Variants in ARHGAP24 observed in about 807,000 individuals in gnomAD.
ARHGAP24 encodes rho GTPase-activating protein 24.
Under a neutral mutation model 76.4 loss-of-function variants are expected in ARHGAP24, and 50 were observed. That is an observed-to-expected ratio of 0.65 (90% CI 0.52 to 0.83). ARHGAP24 has a LOEUF of 0.83. ARHGAP24 is among the 40% of genes least tolerant of loss of function. The probability of loss-of-function intolerance (pLI) is 0.00; values close to 1 mark genes in which losing one functional copy is unlikely to be tolerated. For synonymous variants in ARHGAP24, 345 were observed against 323.3 expected, an observed-to-expected ratio of 1.07 and a Z score of -0.72; for missense variants, 930 against 914.2, an observed-to-expected ratio of 1.02 and a Z score of -0.22.
At chr4:85,851,128 C>T (rs187882885) in intron 3 of ARHGAP24, among the ~76,000 whole-genome samples, 31 of 152,160 alleles carry the variant, frequency 2.0e-4, no homozygotes, top group Admixed American at 2.6e-4. Flanking sequence ...TGAATCTGGG[C>T]GCTCCTGTAT....
intron 5 of ARHGAP24, among the ~76,000 whole-genome samples, chr4:85,950,661 T>C (rs911747058): frequency 2.1e-5 from 3 of 139,836 alleles, no homozygotes; most frequent in African/African-American, 8.1e-5. Flanking sequence ...TTATTTTTTC[T>C]TTTTCTTCTT....
Position 85,923,787 on chromosome 4 carries a change from A to C in ARHGAP24, c.391+17A>C, listed in dbSNP as rs1221334446. Reference sequence around the variant, plus strand: ...TCGGAGGAGGTGAGTGTACTTTAAAATCATGGAAAAACAGAAAGGTAGACC... The same window carrying C: ...TCGGAGGAGGTGAGTGTACTTTAAACTCATGGAAAAACAGAAAGGTAGACC... On this transcript the variant is annotated intron_variant, in intron 4 of 9. Transcript: ENST00000395184. 3.1e-6 allele frequency: 5 copies of C among 1,613,860 alleles called. No homozygotes were observed. Among genetic ancestry groups the C allele is most frequent in the Non-Finnish European group, 4.2e-6 (5 of 1,179,836 alleles).
At chr4:85,536,113 A>G (rs2110119705) in intron 1 of ARHGAP24, among the ~76,000 whole-genome samples, 1 of 152,218 alleles carries the variant, frequency 6.6e-6, no homozygotes, top group East Asian at 1.9e-4. Flanking sequence ...CAGTTGAGTG[A>G]TATAATCAGA....
chr4:85,921,510 G>A (rs1735718663), intron 3 of ARHGAP24, among the ~76,000 whole-genome samples: 1 of 150,384 alleles, frequency 6.6e-6, no homozygotes, highest in Admixed American at 6.7e-5. Context: ...TAACAAACCT[G>A]AACATGTATC....
intron 3 of ARHGAP24, among the ~76,000 whole-genome samples, chr4:85,898,154 A>G (rs1204434679): frequency 6.6e-6 from 1 of 151,270 alleles, no homozygotes; most frequent in Non-Finnish European, 1.5e-5. Context: ...AATTGCTACT[A>G]GCTCCTTTGG....
At chr4:85,942,385 A>G (rs1051254165) in intron 5 of ARHGAP24, 112 bp downstream of exon 5, 12 of 1,302,458 alleles carry the variant, frequency 9.2e-6, no homozygotes, top group Non-Finnish European at 1.2e-5. Flanking sequence ...AGTTTACAAC[A>G]TAGATTATTT....
At chr4:85,926,617 ATTTTAG>A (rs1294345564) in intron 4 of ARHGAP24, among the ~76,000 whole-genome samples, 1 of 152,198 alleles carries the variant, frequency 6.6e-6, no homozygotes, top group Non-Finnish European at 1.5e-5. Context: ...AATCTTATAA[ATTTTAG>A]TTTTAAACAA....
At chr4:85,490,460 G>T (rs1319947374) in intron 1 of ARHGAP24, among the ~76,000 whole-genome samples, 1 of 152,128 alleles carries the variant, frequency 6.6e-6, no homozygotes, top group Non-Finnish European at 1.5e-5. Flanking sequence ...TGAGTTGGTA[G>T]TTCTTTTGCT....
At chr4:85,902,019 C>T (rs1247594132) in intron 3 of ARHGAP24, among the ~76,000 whole-genome samples, 2 of 152,134 alleles carry the variant, frequency 1.3e-5, no homozygotes, top group East Asian at 1.9e-4. Flanking sequence ...TGGTCCCCTC[C>T]CTGAGTCCAT....
At position 85,582,152 on chromosome 4, in the gene ARHGAP24, C is replaced by T. The variant is rs111268732; in HGVS notation, c.180+11431C>T. 5.9e-5 allele frequency among the ~76,000 whole-genome samples: 9 copies of T among 152,080 alleles called. 1 individual carries two copies. Among genetic ancestry groups the T allele is most frequent in the Admixed American group, 3.9e-4 (6 of 15,252 alleles). On this transcript the variant is annotated intron_variant, in intron 2 of 9. Coordinates refer to ENST00000395184, the MANE Select transcript of ARHGAP24 (RefSeq NM_001025616.3). ...AAAGATATTTTGGAAATGAGACACT[C>T]GATCTTTAGAGTATCCTATGGGAAA...
intron 3 of ARHGAP24, among the ~76,000 whole-genome samples, chr4:85,917,600 C>T (rs1268979414): frequency 4.6e-5 from 7 of 152,252 alleles, no homozygotes; most frequent in Admixed American, 1.3e-4. Flanking sequence ...TTAATGATTG[C>T]CATTCTAACT....
At position 85,527,052 on chromosome 4, in the gene ARHGAP24, A is replaced by T. The variant is rs1272479117; in HGVS notation, c.-20-43470A>T. 3.9e-5 allele frequency among the ~76,000 whole-genome samples: 6 copies of T among 152,238 alleles called. No homozygotes were observed. The East Asian group carries it at 1.2e-3, about 29-fold the overall frequency. On this transcript the variant is annotated intron_variant, in intron 1 of 9. Transcript: ENST00000395184. ...ATCCTGCACGCTTGATTCTCTCAGG[A>T]CATGTGAAATAGATCAGTGTAATGT...
intron 2 of ARHGAP24, among the ~76,000 whole-genome samples, chr4:85,653,190 A>C (rs1177750217): frequency 6.6e-6 from 1 of 152,184 alleles, no homozygotes; most frequent in African/African-American, 2.4e-5. Context: ...GATCTTGGGG[A>C]TCTTCTATTA....
chr4:85,518,043 A>G (rs1477433741), intron 1 of ARHGAP24, among the ~76,000 whole-genome samples: 1 of 152,162 alleles, frequency 6.6e-6, no homozygotes, highest in African/African-American at 2.4e-5. Context: ...CCTCAAAATT[A>G]TAGCAATCTA....
intron 2 of ARHGAP24, among the ~76,000 whole-genome samples, chr4:85,677,972 C>T (rs80254874): frequency 9.9e-5 from 15 of 151,330 alleles, no homozygotes; most frequent in South Asian, 2.1e-4. Flanking sequence ...TCCAGGAGTT[C>T]GAGGATGTAG....
At position 85,721,868 on chromosome 4, in the gene ARHGAP24, G is replaced by C; in HGVS notation, c.181-17G>C. The C allele has an allele frequency of 6.2e-7, 1 of 1,603,114 alleles. No homozygotes were observed. The highest frequency in any genetic ancestry group is 1.1e-5 in the South Asian group (1 of 90,814). ...GCTCTCTGATGATGTTGATGTTTTG[G>C]GTATTTGTTTTCACAGGGTACTATT... On this transcript the variant is annotated splice_polypyrimidine_tract_variant and intron_variant, in intron 2 of 9. Coordinates refer to ENST00000395184, the MANE Select transcript of ARHGAP24 (RefSeq NM_001025616.3).
intron 2 of ARHGAP24, among the ~76,000 whole-genome samples, chr4:85,619,747 C>T (rs7694594): frequency 0.51 from 77,187 of 151,474 alleles, 21,373 homozygotes; most frequent in Non-Finnish European, 0.64. Flanking sequence ...TTCTTTTTTC[C>T]GGTAGTTTAT....
chr4:85,502,854 T>G (rs2110100316), intron 1 of ARHGAP24, among the ~76,000 whole-genome samples: 1 of 152,150 alleles, frequency 6.6e-6, no homozygotes, highest in East Asian at 1.9e-4. Flanking sequence ...TTGGCTTTGT[T>G]TGTCATAAAT....
chr4:85,497,575 A>C (rs1723628195), intron 1 of ARHGAP24, among the ~76,000 whole-genome samples: 1 of 152,096 alleles, frequency 6.6e-6, no homozygotes, highest in Admixed American at 6.5e-5. Flanking sequence ...TAATTCCAGC[A>C]ATTTGGGAGG....
Sources: gnomAD v4.1 joint callset for allele counts (sites outside exome capture counted in the v4.1 genomes callset) on GRCh38, gnomAD v4.1.1 for gene constraint, MANE v1.5 for transcripts, NCBI Gene and HGNC (gene_info 2026-07-23, HGNC 2026-07-21) for gene names.